IGF1R: variants seen among roughly 807,000 people sequenced by gnomAD.
The protein encoded by IGF1R is insulin like growth factor 1 receptor, also known as insulin-like growth factor 1 receptor.
A neutral mutation model predicts 144.6 loss-of-function variants in IGF1R; 44 were observed. That is an observed-to-expected ratio of 0.30 (90% CI 0.24 to 0.39). IGF1R has a LOEUF of 0.39. Among genes scored for constraint, IGF1R ranks in the 10% least tolerant of loss-of-function variants. The pLI is 1.00. For synonymous variants in IGF1R, 795 were observed against 722.8 expected (o/e 1.10, Z -1.60); for missense variants, 1,355 against 1,833.7 (o/e 0.74, Z 4.77).
At chr15:98,916,261 GTTTT>G (rs34536372) in intron 9 of IGF1R, 130 bp downstream of exon 9, 177 of 555,432 alleles carry the variant, frequency 3.2e-4, no homozygotes, top group Middle Eastern at 5.2e-4. Context: ...CTATCTTCTG[GTTTT>G]TTTTTTTTTT....
At position 98,675,763 on chromosome 15, in the gene IGF1R, T is replaced by G. The variant is rs143495199; in HGVS notation, c.94+26088T>G. 1.2e-3 allele frequency among the ~76,000 whole-genome samples: 175 copies of G among 151,988 alleles called. 1 individual carries two copies. Among genetic ancestry groups the G allele is most frequent in the African/African-American group, 4.0e-3 (164 of 41,456 alleles). ...TTGACGATTTAGTTTCCCCACATTG[T>G]GCTGTTTTTTTTCTTCACTGGATTA... On this transcript the variant is annotated intron_variant, in intron 1 of 20. Coordinates refer to ENST00000650285, the MANE Select transcript of IGF1R (RefSeq NM_000875.5).
At chr15:98,827,694 T>C (rs897926434) in intron 2 of IGF1R, among the ~76,000 whole-genome samples, 1 of 152,194 alleles carries the variant, frequency 6.6e-6, no homozygotes, top group Non-Finnish European at 1.5e-5. Context: ...GCGATTCTCC[T>C]GCCTCAGCCT....
intron 2 of IGF1R, among the ~76,000 whole-genome samples, chr15:98,749,295 G>A (rs1291842219): frequency 6.6e-6 from 1 of 151,644 alleles, no homozygotes; most frequent in East Asian, 1.9e-4. Context: ...GCTCTTTTTA[G>A]TGCCAAGGTA....
chr15:98,859,673 TAATA>T (rs1226314372), intron 2 of IGF1R, among the ~76,000 whole-genome samples: 3 of 152,278 alleles, frequency 2.0e-5, no homozygotes, highest in East Asian at 1.9e-4. Context: ...TTTTTCCTTT[TAATA>T]AATATCACTT....
chr15:98,787,768 C>G (rs2056032471), intron 2 of IGF1R, among the ~76,000 whole-genome samples: 1 of 152,166 alleles, frequency 6.6e-6, no homozygotes, highest in Non-Finnish European at 1.5e-5. Flanking sequence ...AAATAGTATC[C>G]TCAACTCAGA....
intron 20 of IGF1R, among the ~76,000 whole-genome samples, chr15:98,951,001 C>A (rs1047038096): frequency 3.9e-5 from 6 of 152,240 alleles, no homozygotes; most frequent in African/African-American, 1.4e-4. Flanking sequence ...TGGATACACA[C>A]CCCTGTGCTC....
intron 2 of IGF1R, among the ~76,000 whole-genome samples, chr15:98,711,795 A>C (rs922632524): frequency 1.3e-5 from 2 of 152,104 alleles, no homozygotes; most frequent in African/African-American, 2.4e-5. Context: ...CTGTAACAAA[A>C]TCCCATACCC....
At chr15:98,930,463 T>G (rs993239532) in intron 15 of IGF1R, among the ~76,000 whole-genome samples, 158 bp downstream of exon 15, 11 of 152,188 alleles carry the variant, frequency 7.2e-5, no homozygotes, top group African/African-American at 2.7e-4. Context: ...TTTCTTTTTT[T>G]TTTTAATCAA....
At position 98,960,003 on chromosome 15, in the gene IGF1R, T is replaced by A. The variant is rs2017161765; in HGVS notation, c.*2561T>A. 1 of 233,486 alleles carries A rather than the reference T, an allele frequency of 4.3e-6. No individual in the cohort carries two copies. The highest frequency in any genetic ancestry group is 6.0e-5 in the East Asian group (1 of 16,600). 14.5% of individuals were successfully genotyped at this position (233,486 alleles called of 1,614,324 possible). A position where few individuals can be genotyped will look rare whatever the true frequency, so the allele number is the denominator to read the frequency against. ...TGTGTGTATGTGTGGGGTGTGTGTG[T>A]GTGAGAGTGATGGGACAGTTCTTGA... On this transcript the variant is annotated 3_prime_UTR_variant, in exon 21 of 21. Transcript: ENST00000650285.
chr15:98,804,468 T>G (rs997770579), intron 2 of IGF1R, among the ~76,000 whole-genome samples: 3 of 152,176 alleles, frequency 2.0e-5, no homozygotes, highest in African/African-American at 7.2e-5. Context: ...TTTTTGTTTT[T>G]GTTTTTGTTT....
intron 1 of IGF1R, among the ~76,000 whole-genome samples, chr15:98,677,328 G>A (rs1835555356): frequency 6.6e-6 from 1 of 152,082 alleles, no homozygotes; most frequent in Admixed American, 6.6e-5. Flanking sequence ...TTTGTTGATT[G>A]CTCTTATTCG....
At chr15:98,888,897 G>A (rs1015744610) in intron 2 of IGF1R, among the ~76,000 whole-genome samples, 3 of 152,264 alleles carry the variant, frequency 2.0e-5, no homozygotes, top group East Asian at 3.9e-4. Context: ...CTTTTATCTC[G>A]CTTCACCATT....
chr15:98,815,943 T>C (rs184045006), intron 2 of IGF1R, among the ~76,000 whole-genome samples: 1 of 152,182 alleles, frequency 6.6e-6, no homozygotes, highest in African/African-American at 2.4e-5. Context: ...AAAGTCAATA[T>C]GGTAAAATAT....
At chr15:98,892,650 G>A (rs900622844) in intron 3 of IGF1R, among the ~76,000 whole-genome samples, 11 of 151,880 alleles carry the variant, frequency 7.2e-5, no homozygotes, top group African/African-American at 2.7e-4. Flanking sequence ...TGTTAGCATT[G>A]TTTAAAAATG....
intron 2 of IGF1R, among the ~76,000 whole-genome samples, chr15:98,836,707 T>A (rs958033612): frequency 6.6e-6 from 1 of 152,140 alleles, no homozygotes; most frequent in Non-Finnish European, 1.5e-5. Context: ...ACATCCTTCA[T>A]TGTGTTTACT....
chr15:98,803,854 T>TA (rs2056415154), intron 2 of IGF1R, among the ~76,000 whole-genome samples: 3 of 152,194 alleles, frequency 2.0e-5, no homozygotes, highest in African/African-American at 7.2e-5. Context: ...TAAATAACTA[T>TA]AAAAAGTATA....
chr15:98,958,710 AGCT>A lies in IGF1R; in HGVS notation c.*1272_*1274del, dbSNP rs2017110011. 1.3e-5 allele frequency: 3 copies of A among 227,494 alleles called. No homozygotes were observed. The highest frequency in any genetic ancestry group is 4.5e-5 in the African/African-American group (2 of 44,806). 14.1% of individuals were successfully genotyped at this position (227,494 alleles called of 1,614,324 possible). A position where few individuals can be genotyped will look rare whatever the true frequency, so the allele number is the denominator to read the frequency against. ...CTATACGTCTGTACAGAAAAAAAAA[AGCT>A]GCTATTTTTTTTGTTCTTGATCTTT... On this transcript the variant is annotated 3_prime_UTR_variant, in exon 21 of 21. Coordinates refer to ENST00000650285, the MANE Select transcript of IGF1R (RefSeq NM_000875.5).
chr15:98,707,719 C>T lies in IGF1R; in HGVS notation c.252C>T (p.Tyr84=), dbSNP rs747470338. The change falls in exon 2 of 21, where the codon TAC becomes TAT. Residue 84 remains tyrosine, a synonymous_variant. Coordinates refer to ENST00000650285, the MANE Select transcript of IGF1R (RefSeq NM_000875.5). This position sits in a 1 kb window ranked among gnomAD's most constrained non-coding sequence, Gnocchi z 6.7. ...CCAAGCTCACGGTCATTACCGAGTA[C>T]TTGCTGCTGTTCCGAGTGGCTGGCC... ...RFPKLTVITE[Y]LLLFRVAGLE... is the part of the protein sequence containing the mutation. The T allele has an allele frequency of 3.7e-6, 6 of 1,614,194 alleles. No homozygotes were observed. Among genetic ancestry groups the T allele is most frequent in the Middle Eastern group, 1.6e-4 (1 of 6,062 alleles).
At chr15:98,682,445 C>T (rs975692448) in intron 1 of IGF1R, among the ~76,000 whole-genome samples, 2 of 152,182 alleles carry the variant, frequency 1.3e-5, no homozygotes, top group African/African-American at 4.8e-5. Context: ...GAGTCTTTCT[C>T]TTTAAATACT....
Sources: gnomAD v4.1 joint callset for allele counts (sites outside exome capture counted in the v4.1 genomes callset) on GRCh38, gnomAD v4.1.1 for gene constraint, Gnocchi (gnomAD v3.1) non-coding constraint, MANE v1.5 for transcripts, NCBI Gene and HGNC (gene_info 2026-07-23, HGNC 2026-07-21) for gene names.